The following CMSS1 variants were observed in gnomAD, a reference collection of about 807,000 sequenced individuals.
The protein encoded by CMSS1 is cms1 ribosomal small subunit homolog.
CMSS1 carries 33 observed loss-of-function variants against 43.5 expected under a neutral mutation model. That is an observed-to-expected ratio of 0.76 (90% CI 0.57 to 1.01). The LOEUF is 1.01. Among genes scored for constraint, CMSS1 ranks in the 50% least tolerant of loss-of-function variants. CMSS1 has a pLI of 0.00. For missense variants in CMSS1, 313 were observed against 326.4 expected (o/e 0.96, Z 0.32); for synonymous variants, 115 against 117.2 (o/e 0.98, Z 0.12).
intron 1 of CMSS1, among the ~76,000 whole-genome samples, chr3:100,130,182 TC>T (rs2066694930): frequency 6.6e-6 from 1 of 152,230 alleles, no homozygotes; most frequent in South Asian, 2.1e-4. Flanking sequence ...ATAAAGTGTG[TC>T]CTGTTTTATA....
intron 1 of CMSS1, among the ~76,000 whole-genome samples, chr3:99,936,180 A>AT (rs1328797183): frequency 2.0e-5 from 3 of 152,010 alleles, no homozygotes; most frequent in Non-Finnish European, 4.4e-5. Flanking sequence ...AAAAGAAATC[A>AT]TTTTTGGTCT....
chr3:99,983,462 GTGTATATATATATATATATATA>G lies in CMSS1; in HGVS notation c.65-163509_65-163488del, dbSNP rs1437578267. 3.1e-3 allele frequency among the ~76,000 whole-genome samples: 37 copies of G among 11,988 alleles called. 1 individual carries two copies. The highest frequency in any genetic ancestry group is 0.02 in the East Asian group (5 of 252). 7.9% of individuals were successfully genotyped at this position (11,988 alleles called of 152,430 possible). On this transcript the variant is annotated intron_variant, in intron 1 of 9. Coordinates refer to ENST00000421999, the MANE Select transcript of CMSS1 (RefSeq NM_032359.4). ...TATATGTATGTATATATATATATGTGTGTATATATATATATATATATATATATATATATATATATATATATAT... is the reference window on the plus strand; with the variant it reads ...TATATGTATGTATATATATATATGTGTATATATATATATATATATATATAT...
intron 4 of CMSS1, among the ~76,000 whole-genome samples, chr3:100,164,207 G>T (rs1240570275): frequency 6.6e-6 from 1 of 152,178 alleles, no homozygotes; most frequent in East Asian, 1.9e-4. Context: ...ACTATCACAG[G>T]AACTATTCTA....
chr3:99,918,743 T>G (rs912586629), intron 1 of CMSS1, among the ~76,000 whole-genome samples: 3 of 152,204 alleles, frequency 2.0e-5, no homozygotes, highest in African/African-American at 7.2e-5. Flanking sequence ...GATCCTGTGT[T>G]AGGTCCAGCA....
chr3:99,849,209 T>G, intron 1 of CMSS1: 2 of 1,614,170 alleles, frequency 1.2e-6, no homozygotes, highest in Non-Finnish European at 1.7e-6. Context: ...TGACCATTGA[T>G]GACTGCACGT....
intron 1 of CMSS1, among the ~76,000 whole-genome samples, chr3:100,035,278 T>G (rs140167430): frequency 0.016 from 2,413 of 152,138 alleles, 59 homozygotes; most frequent in African/African-American, 0.055. Flanking sequence ...TTATTAGTAT[T>G]ATTATTATTA....
intron 1 of CMSS1, among the ~76,000 whole-genome samples, chr3:99,875,150 A>T (rs1055117076): frequency 1.3e-5 from 2 of 152,204 alleles, no homozygotes; most frequent in East Asian, 3.8e-4. Context: ...AAGTTGACAT[A>T]ACCTTTTTAT....
intron 1 of CMSS1, among the ~76,000 whole-genome samples, chr3:99,882,867 TA>T (rs1379877777): frequency 3.9e-5 from 6 of 152,240 alleles, no homozygotes; most frequent in African/African-American, 1.4e-4. Flanking sequence ...GCATTTGTTT[TA>T]AATTGGAGAT....
intron 3 of CMSS1, 104 bp from the exon 4 acceptor site, chr3:100,162,199 C>CA (rs1342436024): frequency 1.1e-6 from 1 of 920,912 alleles, no homozygotes; most frequent in East Asian, 2.7e-5. Context: ...ACTTGGCTAA[C>CA]ACCAAAAGCT....
chr3:99,850,576 C>T, intron 1 of CMSS1: 1 of 1,613,826 alleles, frequency 6.2e-7, no homozygotes, highest in Non-Finnish European at 8.5e-7. Flanking sequence ...AGCCATGATA[C>T]CAGCGTTTCC....
intron 1 of CMSS1, chr3:99,849,639 A>G (rs979980421): frequency 1.2e-6 from 2 of 1,613,360 alleles, no homozygotes; most frequent in African/African-American, 2.7e-5. Flanking sequence ...CCATTTTAAC[A>G]TGTTCTAGCT....
At chr3:99,851,297 G>C (rs1009408905) in intron 1 of CMSS1, among the ~76,000 whole-genome samples, 1 of 152,116 alleles carries the variant, frequency 6.6e-6, no homozygotes. Flanking sequence ...ATTTCACCAG[G>C]AGCCTTAGTA....
At chr3:100,092,910 T>G (rs1181124679) in intron 1 of CMSS1, among the ~76,000 whole-genome samples, 1 of 151,832 alleles carries the variant, frequency 6.6e-6, no homozygotes, top group Non-Finnish European at 1.5e-5. Flanking sequence ...CAAATTCTAT[T>G]CAGTTTAGCT....
At chr3:100,101,226 A>G (rs2066299527) in intron 1 of CMSS1, among the ~76,000 whole-genome samples, 1 of 152,158 alleles carries the variant, frequency 6.6e-6, no homozygotes, top group Admixed American at 6.5e-5. Flanking sequence ...GGCACAGGTA[A>G]TGTCCTACTT....
chr3:99,920,680 G>T (rs1707097227), intron 1 of CMSS1, among the ~76,000 whole-genome samples: 1 of 152,200 alleles, frequency 6.6e-6, no homozygotes, highest in African/African-American at 2.4e-5. Flanking sequence ...CCCTCAGTGG[G>T]AAAGCCAATT....
chr3:99,851,488 C>A (rs935869029), intron 1 of CMSS1, among the ~76,000 whole-genome samples: 2 of 152,146 alleles, frequency 1.3e-5, no homozygotes, highest in African/African-American at 4.8e-5. Context: ...CATCTCTGAG[C>A]CTCAATTTCC....
chr3:100,056,855 T>A (rs1358882932), intron 1 of CMSS1, among the ~76,000 whole-genome samples: 1 of 151,950 alleles, frequency 6.6e-6, no homozygotes, highest in African/African-American at 2.4e-5. Context: ...ATACAAAAAA[T>A]TAGCCGGGTG....
At chr3:99,927,655 C>G (rs4928226) in intron 1 of CMSS1, among the ~76,000 whole-genome samples, 2 of 152,194 alleles carry the variant, frequency 1.3e-5, no homozygotes, top group Admixed American at 6.5e-5. Flanking sequence ...AGGCATGAGC[C>G]ACTGCGCCCG....
chr3:99,928,117 T>C (rs549634865), intron 1 of CMSS1, among the ~76,000 whole-genome samples: 1 of 152,336 alleles, frequency 6.6e-6, no homozygotes, highest in African/African-American at 2.4e-5. Flanking sequence ...TTCAAGATGC[T>C]TATTCTCATG....
Sources: allele counts gnomAD v4.1 joint callset (sites outside exome capture counted in the v4.1 genomes callset), GRCh38; gene constraint gnomAD v4.1.1; transcripts MANE v1.5; gene names NCBI Gene and HGNC (gene_info 2026-07-23, HGNC 2026-07-21).